Variants in PBX1 observed in about 807,000 individuals in gnomAD.
PBX1 encodes the protein pre-B-cell leukemia transcription factor 1.
Under a neutral mutation model 53.4 loss-of-function variants are expected in PBX1, and 6 were observed. The observed-to-expected ratio is 0.11, with a 90% CI of 0.06 to 0.22. PBX1 has a LOEUF of 0.22. Among genes scored for constraint, PBX1 ranks in the 10% least tolerant of loss-of-function variants. The probability of loss-of-function intolerance (pLI) is 1.00; values close to 1 mark genes in which losing one functional copy is unlikely to be tolerated. For missense variants in PBX1, 251 were observed against 551.4 expected (o/e 0.46, Z 5.46); for synonymous variants, 204 against 212.3 (o/e 0.96, Z 0.34).
chr1:164,834,029 A>ATGTGTGTG (rs35739146), intron 8 of PBX1, among the ~76,000 whole-genome samples: 4,941 of 128,206 alleles, frequency 0.039, 117 homozygotes, highest in Admixed American at 0.049. Flanking sequence ...ATATATGTAT[A>ATGTGTGTG]TGTGTGTGTG....
chr1:164,771,477 C>T (rs185995972), intron 2 of PBX1: 1 of 152,046 alleles, frequency 6.6e-6, no homozygotes, highest in African/African-American at 2.4e-5. Flanking sequence ...TGTCTGCACA[C>T]TGCATTTGTT....
At chr1:164,867,033 A>G (rs1400600776) in intron 2 of PBX1, among the ~76,000 whole-genome samples, 1 of 152,228 alleles carries the variant, frequency 6.6e-6, no homozygotes, top group Non-Finnish European at 1.5e-5. Flanking sequence ...GGAGGACAGC[A>G]TCAGAAAAAG....
At chr1:164,760,939 CATT>C (rs895927759) in intron 2 of PBX1, among the ~76,000 whole-genome samples, 1 of 152,206 alleles carries the variant, frequency 6.6e-6, no homozygotes, top group African/African-American at 2.4e-5. Context: ...AATGTATAAT[CATT>C]GTTGTTATTT....
At chr1:164,598,570 T>C (rs1179376351) in intron 2 of PBX1, among the ~76,000 whole-genome samples, 1 of 152,220 alleles carries the variant, frequency 6.6e-6, no homozygotes, top group African/African-American at 2.4e-5. Flanking sequence ...TACTAGTGTT[T>C]GTTGATTTTC....
chr1:164,786,830 T>C (rs1221267421), intron 2 of PBX1, among the ~76,000 whole-genome samples: 1 of 152,032 alleles, frequency 6.6e-6, no homozygotes, highest in Non-Finnish European at 1.5e-5. Context: ...GTCTGAGAGT[T>C]AAAGATCTAG....
chr1:164,651,221 C>G (rs901508960), intron 2 of PBX1, among the ~76,000 whole-genome samples: 1 of 152,048 alleles, frequency 6.6e-6, no homozygotes, highest in South Asian at 2.1e-4. Context: ...CATTACCCAC[C>G]CTTCAGCTTT....
rs540263117 is a variant in PBX1 at position 164,600,618 on chromosome 1, G to C, written c.265+37307G>C. On this transcript the variant is annotated intron_variant, in intron 2 of 8. Transcript: ENST00000420696. ...CCACAAAAGGCAAACAGAGCTTTTGGCACATTTGATTCCTGAGGCAGCCCC... is the reference window on the plus strand; with the variant it reads ...CCACAAAAGGCAAACAGAGCTTTTGCCACATTTGATTCCTGAGGCAGCCCC... 9.2e-5 allele frequency among the ~76,000 whole-genome samples: 14 copies of C among 152,250 alleles called. No individual in the cohort carries two copies. In the South Asian group the frequency reaches 2.5e-3, roughly 27 times the overall value.
Position 164,821,642 on chromosome 1 carries a change from C to A in PBX1, c.1200+16C>A. ...GGGCATCAGTGTAAGAAAACAAGCCCCCCCACCCCCTGCTTTGTTTTTATT... is the reference window on the plus strand; with the variant it reads ...GGGCATCAGTGTAAGAAAACAAGCCACCCCACCCCCTGCTTTGTTTTTATT... On this transcript the variant is annotated intron_variant, in intron 8 of 8. Transcript: ENST00000420696. The A allele has an allele frequency of 1.3e-6, 2 of 1,595,486 alleles. No individual in the cohort carries two copies. The highest frequency in any genetic ancestry group is 1.7e-6 in the Non-Finnish European group (2 of 1,163,112).
chr1:164,769,698 A>T (rs1340360888), intron 2 of PBX1, among the ~76,000 whole-genome samples: 1 of 152,186 alleles, frequency 6.6e-6, no homozygotes, highest in Non-Finnish European at 1.5e-5. Context: ...ATTTATGAAT[A>T]ACTTATATAT....
chr1:164,836,930 C>T (rs1008859845), intron 8 of PBX1, among the ~76,000 whole-genome samples: 4 of 152,132 alleles, frequency 2.6e-5, no homozygotes, highest in African/African-American at 4.8e-5. Context: ...AGTGATGGCA[C>T]GTAAATTGCT....
At chr1:164,696,512 C>A (rs542130842) in intron 2 of PBX1, among the ~76,000 whole-genome samples, 21 of 152,292 alleles carry the variant, frequency 1.4e-4, no homozygotes, top group Non-Finnish European at 2.6e-4. Flanking sequence ...GAGTTTGCTG[C>A]ATCGTATGCA....
intron 2 of PBX1, among the ~76,000 whole-genome samples, chr1:164,857,665 A>G (rs1005443726): frequency 9.2e-5 from 14 of 152,246 alleles, no homozygotes; most frequent in Non-Finnish European, 1.8e-4. Flanking sequence ...AGACTCTCCT[A>G]TCACCCTTAT....
At chr1:164,660,400 A>T (rs1170841459) in intron 2 of PBX1, among the ~76,000 whole-genome samples, 2 of 152,212 alleles carry the variant, frequency 1.3e-5, no homozygotes, top group Non-Finnish European at 2.9e-5. Flanking sequence ...TGCAGCTGAC[A>T]TGGCAGTGCT....
intron 2 of PBX1, among the ~76,000 whole-genome samples, chr1:164,775,519 G>T: frequency 6.6e-6 from 1 of 152,104 alleles, no homozygotes; most frequent in East Asian, 1.9e-4. Flanking sequence ...AACCACCTTT[G>T]CCTCTGCCTA....
intron 2 of PBX1, among the ~76,000 whole-genome samples, chr1:164,881,199 C>G (rs988734554): frequency 6.6e-6 from 1 of 152,072 alleles, no homozygotes; most frequent in Non-Finnish European, 1.5e-5. Flanking sequence ...AACAGCTCAC[C>G]CTTGAGTGCT....
At chr1:164,776,978 A>AGAGAGAGAGAG (rs1553244687) in intron 2 of PBX1, among the ~76,000 whole-genome samples, 1 of 46,444 alleles carries the variant, frequency 2.2e-5, no homozygotes, top group East Asian at 9.4e-4. Flanking sequence ...AGAGAGAGAG[A>AGAGAGAGAGAG]GGAGGTGTGG....
intron 8 of PBX1, among the ~76,000 whole-genome samples, chr1:164,823,129 C>T (rs987183938): frequency 1.4e-4 from 21 of 152,142 alleles, no homozygotes; most frequent in South Asian, 4.1e-4. Context: ...CCCTGTTAAA[C>T]ATATTCTAGA....
Position 164,559,686 on chromosome 1 carries a change from C to G in PBX1, c.-137C>G. On this transcript the variant is annotated 5_prime_UTR_variant, in exon 1 of 9. Coordinates refer to ENST00000420696, the MANE Select transcript of PBX1 (RefSeq NM_002585.4). ...AAAGGGATTTTTTTTTTCTTTTGGTCTTCTTTTTTCCCCCTTCCCTGTTTA... is the reference window on the plus strand; with the variant it reads ...AAAGGGATTTTTTTTTTCTTTTGGTGTTCTTTTTTCCCCCTTCCCTGTTTA... The G allele has an allele frequency of 2.9e-6, 1 of 339,884 alleles. No individual in the cohort carries two copies. The highest frequency in any genetic ancestry group is 4.8e-6 in the Non-Finnish European group (1 of 209,126). 21.1% of individuals were successfully genotyped at this position (339,884 alleles called of 1,614,324 possible).
intron 2 of PBX1, among the ~76,000 whole-genome samples, chr1:164,777,360 C>G (rs1170589070): frequency 6.6e-6 from 1 of 152,120 alleles, no homozygotes; most frequent in African/African-American, 2.4e-5. Context: ...GAGGCGGAGG[C>G]TGCAGTGAGC....
Sources: allele counts gnomAD v4.1 joint callset (sites outside exome capture counted in the v4.1 genomes callset), GRCh38; gene constraint gnomAD v4.1.1; transcripts MANE v1.5; gene names NCBI Gene and HGNC (gene_info 2026-07-23, HGNC 2026-07-21).